The following IMMP2L variants were observed in gnomAD, a reference collection of about 807,000 sequenced individuals.
IMMP2L encodes the protein inner mitochondrial membrane peptidase subunit 2, also known as mitochondrial inner membrane protease subunit 2.
IMMP2L carries 18 observed loss-of-function variants against 19.3 expected under a neutral mutation model. The observed-to-expected ratio is 0.93, with a 90% CI of 0.64 to 1.38. The LOEUF is 1.38. Among genes scored for constraint, IMMP2L ranks in the 40% most tolerant of loss-of-function variants. The pLI is 0.00. For missense variants in IMMP2L, 233 were observed against 218.2 expected (o/e 1.07, Z -0.43); for synonymous variants, 76 against 73.0 (o/e 1.04, Z -0.21).
intron 5 of IMMP2L, among the ~76,000 whole-genome samples, chr7:110,863,199 T>G (rs1439941527): frequency 4.6e-5 from 7 of 152,228 alleles, no homozygotes; most frequent in South Asian, 2.1e-4. Context: ...CTCAGGGGTT[T>G]ATAATAACAC....
intron 3 of IMMP2L, among the ~76,000 whole-genome samples, chr7:111,340,505 A>T (rs141742186): frequency 6.6e-4 from 100 of 152,166 alleles, no homozygotes; most frequent in African/African-American, 2.3e-3. Context: ...CCATACTTTC[A>T]AATATAGAAC....
intron 3 of IMMP2L, among the ~76,000 whole-genome samples, chr7:111,152,664 A>T (rs1189054559): frequency 1.3e-5 from 2 of 152,140 alleles, no homozygotes; most frequent in Non-Finnish European, 2.9e-5. Flanking sequence ...TGCTAGCAAG[A>T]TGTAGTATCT....
chr7:110,840,380 A>T (rs1235285716), intron 5 of IMMP2L, among the ~76,000 whole-genome samples: 1 of 152,160 alleles, frequency 6.6e-6, no homozygotes, highest in Non-Finnish European at 1.5e-5. Context: ...TTATACACAG[A>T]TGATCTATTA....
intron 5 of IMMP2L, among the ~76,000 whole-genome samples, chr7:110,883,485 A>C (rs1006521395): frequency 6.6e-6 from 1 of 152,166 alleles, no homozygotes; most frequent in Non-Finnish European, 1.5e-5. Flanking sequence ...AAAAGAACTC[A>C]TATTCAGTAT....
chr7:110,845,939 G>A (rs1293658481), intron 5 of IMMP2L, among the ~76,000 whole-genome samples: 1 of 152,082 alleles, frequency 6.6e-6, no homozygotes, highest in Non-Finnish European at 1.5e-5. Flanking sequence ...CAGGAAACAG[G>A]CCCTCAGCAG....
intron 3 of IMMP2L, among the ~76,000 whole-genome samples, chr7:111,180,165 C>T (rs1460834843): frequency 6.6e-6 from 1 of 152,068 alleles, no homozygotes; most frequent in Non-Finnish European, 1.5e-5. Flanking sequence ...GAATTTACAA[C>T]TTCACTAACT....
intron 5 of IMMP2L, among the ~76,000 whole-genome samples, chr7:110,830,123 G>C (rs1803835161): frequency 6.6e-6 from 1 of 151,994 alleles, no homozygotes; most frequent in South Asian, 2.1e-4. Flanking sequence ...AACATCCCAG[G>C]TTACCGTGCA....
intron 3 of IMMP2L, among the ~76,000 whole-genome samples, chr7:111,144,516 C>T (rs944311835): frequency 6.6e-6 from 1 of 152,104 alleles, no homozygotes; most frequent in Non-Finnish European, 1.5e-5. Flanking sequence ...GTGTCTATCT[C>T]AGAAGTGACA....
intron 3 of IMMP2L, among the ~76,000 whole-genome samples, chr7:111,460,822 T>C (rs947567698): frequency 1.2e-4 from 18 of 152,100 alleles, no homozygotes; most frequent in Non-Finnish European, 4.4e-5. Context: ...ATATGGACTA[T>C]ATTGAACCCC....
At chr7:111,554,883 G>C (rs1197172042) in intron 1 of IMMP2L, among the ~76,000 whole-genome samples, 1 of 152,108 alleles carries the variant, frequency 6.6e-6, no homozygotes, top group African/African-American at 2.4e-5. Flanking sequence ...CAAAGTACTG[G>C]TGCTGCTTTA....
At chr7:111,503,815 G>A (rs201928438) in intron 2 of IMMP2L, among the ~76,000 whole-genome samples, 94 of 152,140 alleles carry the variant, frequency 6.2e-4, no homozygotes, top group African/African-American at 1.4e-3. Flanking sequence ...TTGATGGGAC[G>A]TATCTCAAAA....
chr7:111,478,115 T>G (rs1018369921), intron 3 of IMMP2L, among the ~76,000 whole-genome samples: 3 of 152,142 alleles, frequency 2.0e-5, no homozygotes, highest in Non-Finnish European at 2.9e-5. Flanking sequence ...AATTAGATGG[T>G]AGTCAGCCTT....
intron 1 of IMMP2L, among the ~76,000 whole-genome samples, chr7:111,539,270 G>GAA (rs1563331605): frequency 6.9e-6 from 1 of 144,282 alleles, no homozygotes; most frequent in Non-Finnish European, 1.5e-5. Flanking sequence ...AAGAAAGAAA[G>GAA]AGAACATACG....
intron 4 of IMMP2L, among the ~76,000 whole-genome samples, chr7:110,909,346 C>T (rs914259691): frequency 2.2e-4 from 33 of 152,026 alleles, no homozygotes; most frequent in Non-Finnish European, 1.3e-4. Context: ...GCTTATTCTG[C>T]GACAAGAGAC....
chr7:111,540,946 T>C (rs1216692292), intron 1 of IMMP2L, among the ~76,000 whole-genome samples: 4 of 152,108 alleles, frequency 2.6e-5, no homozygotes, highest in Admixed American at 2.0e-4. Flanking sequence ...AATCTGATAC[T>C]ACCTCTCCAT....
intron 5 of IMMP2L, among the ~76,000 whole-genome samples, chr7:110,828,764 A>C (rs547026540): frequency 6.6e-6 from 1 of 152,296 alleles, no homozygotes; most frequent in South Asian, 2.1e-4. Context: ...AAGATTCTGA[A>C]GATTTTGGTA....
At chr7:110,778,124 T>G (rs1799513229) in intron 5 of IMMP2L, among the ~76,000 whole-genome samples, 1 of 151,924 alleles carries the variant, frequency 6.6e-6, no homozygotes, top group Non-Finnish European at 1.5e-5. Flanking sequence ...CTGAAAAATA[T>G]TTTGTCATAC....
At chr7:111,292,043 T>C (rs1821169546) in intron 3 of IMMP2L, among the ~76,000 whole-genome samples, 1 of 152,142 alleles carries the variant, frequency 6.6e-6, no homozygotes, top group Non-Finnish European at 1.5e-5. Flanking sequence ...CTGCTCATCA[T>C]CACTCATATA....
rs1288154414 is a variant in IMMP2L at position 111,123,241 on chromosome 7, C to G, written c.240-159676G>C. 1.9e-6 allele frequency: 3 copies of G among 1,613,738 alleles called. No homozygotes were observed. Among genetic ancestry groups the G allele is most frequent in the Non-Finnish European group, 2.5e-6 (3 of 1,179,918 alleles). ...TCACAACTTGCTTTCTACAATTTCA[C>G]CTGGAGCCTTTATTGGCCTACATAA... On this transcript the variant is annotated intron_variant, in intron 3 of 5. Coordinates refer to ENST00000405709, the MANE Select transcript of IMMP2L (RefSeq NM_032549.4). This position sits in a 1 kb window ranked among gnomAD's most constrained non-coding sequence, Gnocchi z 6.4.
Sources: allele counts gnomAD v4.1 joint callset (sites outside exome capture counted in the v4.1 genomes callset), GRCh38; gene constraint gnomAD v4.1.1; non-coding constraint Gnocchi (gnomAD v3.1); transcripts MANE v1.5; gene names NCBI Gene and HGNC (gene_info 2026-07-23, HGNC 2026-07-21).